Variants in NEDD9 observed in about 807,000 individuals in gnomAD.
NEDD9 encodes enhancer of filamentation 1.
In NEDD9, 26 loss-of-function variants were observed where a neutral mutation model predicts 76.6. That is an observed-to-expected ratio of 0.34 (90% CI 0.25 to 0.47). The LOEUF (loss-of-function observed/expected upper bound fraction) is 0.47, where lower values mean the gene tolerates loss of function less well. Ranked by LOEUF, NEDD9 falls within the 20% of genes least tolerant of loss-of-function variation. NEDD9 has a pLI of 1.00. For missense variants in NEDD9, 937 were observed against 1,058.5 expected (o/e 0.89, Z 1.59); for synonymous variants, 392 against 414.2 (o/e 0.95, Z 0.65).
At chr6:11,348,648 T>A (rs1235604672) in intron 1 of NEDD9, among the ~76,000 whole-genome samples, 2 of 152,128 alleles carry the variant, frequency 1.3e-5, no homozygotes, top group Non-Finnish European at 2.9e-5. Context: ...TGATCTTTGA[T>A]AAAGTTGACA....
At chr6:11,205,919 C>T (rs1005826834) in intron 2 of NEDD9, among the ~76,000 whole-genome samples, 5 of 152,192 alleles carry the variant, frequency 3.3e-5, no homozygotes, top group South Asian at 2.1e-4. Context: ...TGCGCCACTG[C>T]GCCCGACCTA....
At position 11,185,336 on chromosome 6, in the gene NEDD9, C is replaced by G; in HGVS notation, c.2331G>C (p.Met777Ile). ...GCTCGCAGAGCTGGTTGCTGGAGTT[C>G]ATGACTTTGTTGCGAATGTCCTGGG... ...VTAQDIRNKV[M>I]NSSNQLCEQL... The change falls in exon 7 of 7, where the codon ATG (methionine) becomes ATC (isoleucine). Residue 777 changes from methionine (M) to isoleucine (I), a missense_variant. Coordinates refer to ENST00000379446, the MANE Select transcript of NEDD9 (RefSeq NM_006403.4). 1 of 1,614,184 alleles carries G rather than the reference C, an allele frequency of 6.2e-7. No individual in the cohort carries two copies. The highest frequency in any genetic ancestry group is 8.5e-7 in the Non-Finnish European group (1 of 1,180,046).
intron 1 of NEDD9, among the ~76,000 whole-genome samples, chr6:11,360,470 T>C (rs1429807731): frequency 6.6e-6 from 1 of 152,200 alleles, no homozygotes; most frequent in Non-Finnish European, 1.5e-5. Flanking sequence ...TTCCCAATGT[T>C]GCAGGTGGGG....
At chr6:11,195,223 A>C (rs866027678) in intron 2 of NEDD9, among the ~76,000 whole-genome samples, 1 of 152,184 alleles carries the variant, frequency 6.6e-6, no homozygotes. Flanking sequence ...CTTACAACTG[A>C]TTGTTTCTTG....
intron 2 of NEDD9, among the ~76,000 whole-genome samples, chr6:11,203,383 C>T (rs937687294): frequency 5.9e-5 from 9 of 152,144 alleles, no homozygotes; most frequent in Non-Finnish European, 1.3e-4. Flanking sequence ...GAGAGATGCC[C>T]ACAGACTGCC....
At chr6:11,359,648 G>C (rs992812566) in intron 1 of NEDD9, among the ~76,000 whole-genome samples, 32 of 152,352 alleles carry the variant, frequency 2.1e-4, no homozygotes, top group Admixed American at 1.6e-3. Flanking sequence ...CTCAAGGGCT[G>C]CTTCCGCCAT....
At chr6:11,350,999 G>A (rs1397493943) in intron 1 of NEDD9, among the ~76,000 whole-genome samples, 1 of 152,124 alleles carries the variant, frequency 6.6e-6, no homozygotes, top group Non-Finnish European at 1.5e-5. Flanking sequence ...ATACATTGTG[G>A]ACGCCACAAT....
intron 1 of NEDD9, among the ~76,000 whole-genome samples, chr6:11,358,787 G>C (rs955907027): frequency 6.6e-6 from 1 of 152,130 alleles, no homozygotes; most frequent in Non-Finnish European, 1.5e-5. Flanking sequence ...ATGGTGGGTG[G>C]CGGAGTGTTG....
At position 11,354,830 on chromosome 6, in the gene NEDD9, C is replaced by T. The variant is rs77872182; in HGVS notation, c.-213-20269G>A. Reference sequence around the variant, plus strand: ...CAAGTCAGCCCAAACAGAGTTCATCCTAGGGACTTTTACAAAAGCTACTGG... The same window carrying T: ...CAAGTCAGCCCAAACAGAGTTCATCTTAGGGACTTTTACAAAAGCTACTGG... On this transcript the variant is annotated intron_variant, in intron 1 of 3. Transcript: ENST00000397378. Among the ~76,000 whole-genome samples the T allele has an allele frequency of 2.2e-4, 33 of 152,176 alleles. No individual in the cohort carries two copies. In the East Asian group the frequency reaches 6.2e-3, roughly 29 times the overall value.
intron 2 of NEDD9, chr6:11,200,798 G>A: frequency 2.1e-6 from 3 of 1,448,316 alleles, no homozygotes; most frequent in Non-Finnish European, 2.7e-6. Context: ...GTTCGTATCA[G>A]TATTGGCATT....
intron 1 of NEDD9, among the ~76,000 whole-genome samples, chr6:11,220,284 C>A (rs1226487814): frequency 6.6e-6 from 1 of 152,174 alleles, no homozygotes; most frequent in African/African-American, 2.4e-5. Flanking sequence ...ACCCCTATGA[C>A]AGTTACAAAG....
chr6:11,249,249 G>A (rs1419674886), intron 3 of NEDD9: 1 of 446,732 alleles, frequency 2.2e-6, no homozygotes, highest in Non-Finnish European at 4.5e-6. Context: ...GTCCAATAGG[G>A]TTAAGTTTGA....
intron 1 of NEDD9, among the ~76,000 whole-genome samples, chr6:11,214,684 G>A (rs960722203): frequency 2.6e-5 from 4 of 152,190 alleles, no homozygotes; most frequent in Non-Finnish European, 4.4e-5. Context: ...TTCATTTCTT[G>A]GCATTAGTAA....
At chr6:11,276,323 T>C (rs1183466717) in intron 3 of NEDD9, among the ~76,000 whole-genome samples, 2 of 152,220 alleles carry the variant, frequency 1.3e-5, no homozygotes, top group Non-Finnish European at 2.9e-5. Context: ...TAGCCTGCAT[T>C]ATTGGCTCTG....
At chr6:11,251,069 G>C (rs1581983479) in intron 3 of NEDD9, among the ~76,000 whole-genome samples, 2 of 152,174 alleles carry the variant, frequency 1.3e-5, no homozygotes, top group South Asian at 4.1e-4. Flanking sequence ...GAGCTTTAAA[G>C]AAATATAACC....
intron 3 of NEDD9, among the ~76,000 whole-genome samples, chr6:11,276,396 CATGT>C (rs1289873368): frequency 1.3e-5 from 2 of 152,028 alleles, no homozygotes; most frequent in Non-Finnish European, 2.9e-5. Flanking sequence ...TGTGTGCGTG[CATGT>C]GTGTGTGCAC....
intron 3 of NEDD9, among the ~76,000 whole-genome samples, chr6:11,270,367 CT>C (rs34680497): frequency 0.19 from 27,072 of 139,802 alleles, 2,665 homozygotes; most frequent in Middle Eastern, 0.29. Context: ...TCCCCTCAAC[CT>C]TTTTTTTTTT....
chr6:11,284,917 C>A (rs911990476), intron 3 of NEDD9, among the ~76,000 whole-genome samples: 2 of 151,776 alleles, frequency 1.3e-5, no homozygotes, highest in Non-Finnish European at 2.9e-5. Context: ...TATGAAGACC[C>A]TTATGAGGGA....
chr6:11,209,230 A>G (rs1002311385), intron 2 of NEDD9, among the ~76,000 whole-genome samples: 1 of 152,258 alleles, frequency 6.6e-6, no homozygotes, highest in Non-Finnish European at 1.5e-5. Context: ...TTGGAGTCAA[A>G]AGATCTTTTA....
Sources: allele counts gnomAD v4.1 joint callset (sites outside exome capture counted in the v4.1 genomes callset), GRCh38; gene constraint gnomAD v4.1.1; transcripts MANE v1.5; gene names NCBI Gene and HGNC (gene_info 2026-07-23, HGNC 2026-07-21).